The following TSHZ2 variants were observed in gnomAD, a reference collection of about 807,000 sequenced individuals.
TSHZ2 encodes the protein teashirt zinc finger homeobox 2, also known as teashirt homolog 2.
TSHZ2 carries 21 observed loss-of-function variants against 74.4 expected under a neutral mutation model. That is an observed-to-expected ratio of 0.28 (90% confidence interval 0.20 to 0.41). The LOEUF is 0.41. Among genes scored for constraint, TSHZ2 ranks in the 10% least tolerant of loss-of-function variants. The pLI, the probability that TSHZ2 is intolerant of heterozygous loss-of-function variation, is 1.00. For missense variants in TSHZ2, 1,244 were observed against 1,293.5 expected (o/e 0.96, Z 0.59); for synonymous variants, 540 against 515.3 (o/e 1.05, Z -0.65).
At chr20:53,227,471 C>T (rs943765766) in intron 1 of TSHZ2, among the ~76,000 whole-genome samples, 15 of 149,322 alleles carry the variant, frequency 1.0e-4, no homozygotes, top group Admixed American at 2.0e-4. Context: ...AAAACACACA[C>T]ACACACACAC....
rs572624497 is a variant in TSHZ2 at position 53,437,086 on chromosome 20, A to G, written c.*9-50058A>G. Among the ~76,000 whole-genome samples the G allele has an allele frequency of 2.0e-5, 3 of 152,298 alleles. 1 individual carries two copies. The South Asian group carries it at 6.2e-4, about 32-fold the overall frequency. The stretch of plus-strand genomic sequence containing the variant: ...AGTATGCCCTCCTCTGGGCACCTCC[A>G]GAATATTCTCTCACGTCTTATATGA... On this transcript the variant is annotated intron_variant, in intron 2 of 2. Transcript: ENST00000371497.
chr20:53,041,849 C>A (rs1440310720), intron 1 of TSHZ2, among the ~76,000 whole-genome samples: 1 of 152,204 alleles, frequency 6.6e-6, no homozygotes, highest in Non-Finnish European at 1.5e-5. Flanking sequence ...CCTTGATACC[C>A]ACTGCCTAAA....
chr20:53,068,227 A>C (rs939798340), intron 1 of TSHZ2, among the ~76,000 whole-genome samples: 11 of 152,082 alleles, frequency 7.2e-5, no homozygotes, highest in African/African-American at 2.7e-4. Flanking sequence ...TTTTCAGGGG[A>C]CACAGTTTAA....
chr20:53,064,720 C>A (rs1317919304), intron 1 of TSHZ2, among the ~76,000 whole-genome samples: 1 of 146,134 alleles, frequency 6.8e-6, no homozygotes, highest in Non-Finnish European at 1.5e-5. Context: ...TTGTGTGAAG[C>A]CTTTTCTCGT....
At chr20:53,433,556 C>G (rs1401911169) in intron 2 of TSHZ2, among the ~76,000 whole-genome samples, 1 of 144,436 alleles carries the variant, frequency 6.9e-6, no homozygotes. Context: ...AGAAGCAGAA[C>G]AAACCAACAC....
chr20:53,280,793 A>G (rs996407871), intron 2 of TSHZ2, among the ~76,000 whole-genome samples: 3 of 151,966 alleles, frequency 2.0e-5, no homozygotes, highest in African/African-American at 7.3e-5. Flanking sequence ...CCTGGGTTCA[A>G]GCGATTCTCC....
At chr20:53,152,057 T>A (rs981316281) in intron 1 of TSHZ2, among the ~76,000 whole-genome samples, 2 of 152,202 alleles carry the variant, frequency 1.3e-5, no homozygotes. Flanking sequence ...GTTGACAAAC[T>A]CTGATTTCTG....
intron 1 of TSHZ2, among the ~76,000 whole-genome samples, chr20:53,226,059 CATT>C (rs894292019): frequency 1.9e-4 from 29 of 150,848 alleles, no homozygotes; most frequent in Admixed American, 1.7e-3. Context: ...TATACATAGA[CATT>C]ATCATGAAAA....
At chr20:53,356,716 A>G (rs1444266351) in intron 2 of TSHZ2, among the ~76,000 whole-genome samples, 1 of 152,162 alleles carries the variant, frequency 6.6e-6, no homozygotes, top group African/African-American at 2.4e-5. Flanking sequence ...CCATAAGTCC[A>G]AAAGGGTTAA....
chr20:53,288,042 G>A (rs924734430), intron 2 of TSHZ2, among the ~76,000 whole-genome samples: 1 of 152,064 alleles, frequency 6.6e-6, no homozygotes, highest in Admixed American at 6.6e-5. Context: ...GGAAACTTGA[G>A]TCTTCAACCT....
chr20:53,373,923 A>G (rs1219244626), intron 2 of TSHZ2, among the ~76,000 whole-genome samples: 1 of 152,220 alleles, frequency 6.6e-6, no homozygotes, highest in Admixed American at 6.5e-5. Flanking sequence ...ACTGCTTCCC[A>G]AAGTGTGATA....
chr20:53,076,998 G>A (rs886329211), intron 1 of TSHZ2, among the ~76,000 whole-genome samples: 12 of 152,274 alleles, frequency 7.9e-5, no homozygotes, highest in Admixed American at 3.9e-4. Context: ...TAGAGAGAGT[G>A]GAGAGGTAAA....
At chr20:53,228,930 C>T (rs555279416) in intron 1 of TSHZ2, among the ~76,000 whole-genome samples, 21 of 152,180 alleles carry the variant, frequency 1.4e-4, no homozygotes, top group South Asian at 2.1e-4. Context: ...TCTCAACAGG[C>T]GGGATGACCT....
chr20:53,252,791 T>C (rs541976164), intron 1 of TSHZ2, among the ~76,000 whole-genome samples: 1 of 152,334 alleles, frequency 6.6e-6, no homozygotes, highest in East Asian at 1.9e-4. Flanking sequence ...AATAATAAGA[T>C]AGTCGCCAAA....
intron 1 of TSHZ2, among the ~76,000 whole-genome samples, chr20:53,154,327 A>C (rs950435932): frequency 3.9e-5 from 6 of 152,194 alleles, no homozygotes; most frequent in African/African-American, 1.4e-4. Context: ...TTTTTTTAAC[A>C]TTGCTCCTAT....
intron 2 of TSHZ2, among the ~76,000 whole-genome samples, chr20:53,371,678 C>CCTT (rs1477326673): frequency 6.6e-6 from 1 of 152,114 alleles, no homozygotes; most frequent in Non-Finnish European, 1.5e-5. Flanking sequence ...GAGTTTCAGA[C>CCTT]CAGCCTGGCC....
chr20:53,326,097 A>G (rs1979483574), intron 2 of TSHZ2, among the ~76,000 whole-genome samples: 1 of 152,160 alleles, frequency 6.6e-6, no homozygotes, highest in African/African-American at 2.4e-5. Context: ...TTGGTATCTT[A>G]AAGCAAGTGT....
chr20:53,269,173 G>C (rs1384533483), intron 2 of TSHZ2, among the ~76,000 whole-genome samples: 2 of 151,968 alleles, frequency 1.3e-5, no homozygotes, highest in Non-Finnish European at 2.9e-5. Context: ...CACAGCAAGT[G>C]CCTGAGGAAC....
intron 1 of TSHZ2, among the ~76,000 whole-genome samples, chr20:52,981,596 G>A (rs1981572620): frequency 1.3e-5 from 2 of 152,098 alleles, no homozygotes; most frequent in South Asian, 4.1e-4. Flanking sequence ...AGGGGTCCAG[G>A]GCTTGAAAGA....
Sources: gnomAD v4.1 joint callset for allele counts (sites outside exome capture counted in the v4.1 genomes callset) on GRCh38, gnomAD v4.1.1 for gene constraint, MANE v1.5 for transcripts, NCBI Gene and HGNC (gene_info 2026-07-23, HGNC 2026-07-21) for gene names.